FSTL5: variants seen among roughly 807,000 people sequenced by gnomAD.
FSTL5 encodes the protein follistatin like 5, also known as follistatin-related protein 5.
In FSTL5, 62 loss-of-function variants were observed where a neutral mutation model predicts 89.1. That is an observed-to-expected ratio of 0.70 (90% CI 0.57 to 0.86). The LOEUF (loss-of-function observed/expected upper bound fraction) is 0.86. Among genes scored for constraint, FSTL5 ranks in the 40% least tolerant of loss-of-function variants. The pLI, the probability that FSTL5 is intolerant of heterozygous loss-of-function variation, is 0.00. For synonymous variants in FSTL5, 383 were observed against 346.2 expected (o/e 1.11, Z -1.18); for missense variants, 1,057 against 1,001.6 (o/e 1.06, Z -0.75).
At chr4:161,438,819 A>T (rs1732663999) in intron 15 of FSTL5, among the ~76,000 whole-genome samples, 1 of 152,112 alleles carries the variant, frequency 6.6e-6, no homozygotes, top group African/African-American at 2.4e-5. Flanking sequence ...TAAGCAATAT[A>T]ATCTGATATA....
chr4:161,789,986 T>A (rs1349482712), intron 4 of FSTL5, among the ~76,000 whole-genome samples: 1 of 152,236 alleles, frequency 6.6e-6, no homozygotes, highest in African/African-American at 2.4e-5. Context: ...AGTAACCGAA[T>A]TAATTTTCAC....
Position 161,779,780 on chromosome 4 carries a change from TATATA to T in FSTL5, c.410-3711_410-3707del, listed in dbSNP as rs1560840810. On this transcript the variant is annotated intron_variant, in intron 4 of 15. Coordinates refer to ENST00000306100, the MANE Select transcript of FSTL5 (RefSeq NM_020116.5). ...AAAGTTATATATATATATATGTATA[TATATA>T]TATATATATATATATATATATATAT... Among the ~76,000 whole-genome samples, 44 of 42,766 alleles carry T rather than the reference TATATA, an allele frequency of 1.0e-3. 5 individuals carry two copies. Among genetic ancestry groups the T allele is most frequent in the Non-Finnish European group, 1.1e-3 (31 of 28,928 alleles). 28.1% of individuals were successfully genotyped at this position (42,766 alleles called of 152,430 possible). A position where few individuals can be genotyped will look rare whatever the true frequency, so the allele number is the denominator to read the frequency against.
Position 162,078,841 on chromosome 4 carries a change from T to A in FSTL5, c.126+32430A>T, listed in dbSNP as rs189419129. Among the ~76,000 whole-genome samples the A allele has an allele frequency of 1.3e-4, 20 of 151,902 alleles. No individual in the cohort carries two copies. The East Asian group carries it at 1.4e-3, about 10-fold the overall frequency. On this transcript the variant is annotated intron_variant, in intron 2 of 15. Transcript: ENST00000306100. ...TCAAGAGATTCTCTGGACTAACTCA[T>A]GGTATTTTTACATGTGTTAGTAAAT...
chr4:161,425,115 G>A (rs1732126827), intron 15 of FSTL5, among the ~76,000 whole-genome samples: 1 of 152,154 alleles, frequency 6.6e-6, no homozygotes, highest in Admixed American at 6.5e-5. Flanking sequence ...GTCTTTTGCA[G>A]AAATTGTCAG....
intron 15 of FSTL5, among the ~76,000 whole-genome samples, chr4:161,421,340 CA>C (rs57798544): frequency 0.25 from 29,045 of 115,070 alleles, 3,472 homozygotes; most frequent in East Asian, 0.52. Flanking sequence ...AAGACTGTCT[CA>C]AAAAAAAAAA....
rs34519918 is a variant in FSTL5, at chr4:161,739,852, T to TAA, written c.727+19557_727+19558dup. On this transcript the variant is annotated intron_variant, in intron 6 of 15. Coordinates refer to ENST00000306100, the MANE Select transcript of FSTL5 (RefSeq NM_020116.5). ...TGGGCATAATTGGACTCCACAGAAG[T>TAA]AAAAAAAAAAATTGTTGAGATAATA... Among the ~76,000 whole-genome samples the TAA allele has an allele frequency of 4.3e-3, 645 of 149,640 alleles. 5 individuals are homozygous for TAA. The highest frequency in any genetic ancestry group is 0.031 in the East Asian group (158 of 5,120).
intron 3 of FSTL5, among the ~76,000 whole-genome samples, chr4:161,971,842 A>T (rs1735494498): frequency 6.6e-6 from 1 of 152,054 alleles, no homozygotes; most frequent in Non-Finnish European, 1.5e-5. Flanking sequence ...TCTCCAGTTG[A>T]TTGTAGGGTA....
At chr4:162,058,230 A>G (rs527415596) in intron 2 of FSTL5, among the ~76,000 whole-genome samples, 8 of 152,102 alleles carry the variant, frequency 5.3e-5, no homozygotes, top group South Asian at 4.2e-4. Context: ...GTGATGAGGA[A>G]GCAAATTCAA....
intron 1 of FSTL5, among the ~76,000 whole-genome samples, chr4:162,147,590 G>A (rs2111502325): frequency 6.6e-6 from 1 of 152,142 alleles, no homozygotes; most frequent in South Asian, 2.1e-4. Context: ...ACATTTTTGT[G>A]TACTCTGTAA....
intron 7 of FSTL5, among the ~76,000 whole-genome samples, chr4:161,618,977 G>A (rs1192295890): frequency 6.6e-6 from 1 of 152,156 alleles, no homozygotes; most frequent in Non-Finnish European, 1.5e-5. Context: ...GCATGGTACT[G>A]GTACCAAAAC....
chr4:161,623,314 C>A (rs556288161), intron 7 of FSTL5, among the ~76,000 whole-genome samples: 122 of 152,016 alleles, frequency 8.0e-4, no homozygotes, highest in African/African-American at 2.8e-3. Context: ...TGGAGACAGG[C>A]AGGAAACAAC....
At chr4:162,053,905 C>A (rs1252366873) in intron 2 of FSTL5, among the ~76,000 whole-genome samples, 1 of 151,520 alleles carries the variant, frequency 6.6e-6, no homozygotes, top group Non-Finnish European at 1.5e-5. Context: ...CTGTTCTATG[C>A]AAATTTTTTC....
At position 161,929,660 on chromosome 4, in the gene FSTL5, CGTGT is replaced by C. The variant is rs765281533; in HGVS notation, c.161-9012_161-9009del. Among the ~76,000 whole-genome samples, 930 of 126,918 alleles carry C rather than the reference CGTGT, an allele frequency of 7.3e-3. 12 individuals carry two copies. The highest frequency in any genetic ancestry group is 0.024 in the African/African-American group (797 of 33,170). The allele number at this position is 126,918 out of a possible 152,430, so 83.3% of individuals were successfully genotyped here. On this transcript the variant is annotated intron_variant, in intron 3 of 15. Coordinates refer to ENST00000306100, the MANE Select transcript of FSTL5 (RefSeq NM_020116.5). ...CCACTCTAGCAGATGTAGGTAGGCA[CGTGT>C]GTGTGTGTGTGTGTGTGTGTGTGTG...
intron 3 of FSTL5, among the ~76,000 whole-genome samples, chr4:161,952,432 C>T (rs1235687483): frequency 2.6e-5 from 4 of 151,930 alleles, no homozygotes. Context: ...AATAGTTTAA[C>T]TCATCATATA....
intron 13 of FSTL5, among the ~76,000 whole-genome samples, chr4:161,472,223 C>A (rs541853940): frequency 6.6e-6 from 1 of 152,168 alleles, no homozygotes; most frequent in Non-Finnish European, 1.5e-5. Flanking sequence ...GTGATCTGCC[C>A]GCCTTGGCCT....
chr4:161,408,675 C>G (rs534702001), intron 15 of FSTL5, among the ~76,000 whole-genome samples: 4 of 152,196 alleles, frequency 2.6e-5, no homozygotes, highest in South Asian at 2.1e-4. Context: ...GGAAGCCAAT[C>G]AATACAGTAA....
chr4:162,065,215 A>G (rs1366846805), intron 2 of FSTL5, among the ~76,000 whole-genome samples: 1 of 151,972 alleles, frequency 6.6e-6, no homozygotes, highest in African/African-American at 2.4e-5. Flanking sequence ...TTTTTAGGGT[A>G]TCTTAAAAAT....
chr4:161,662,594 TG>T (rs1736754913), intron 6 of FSTL5, among the ~76,000 whole-genome samples: 1 of 152,138 alleles, frequency 6.6e-6, no homozygotes, highest in Non-Finnish European at 1.5e-5. Context: ...GAAACTTTAC[TG>T]AATAAAAAGC....
At chr4:161,926,768 G>A (rs536857815) in intron 3 of FSTL5, among the ~76,000 whole-genome samples, 8 of 151,722 alleles carry the variant, frequency 5.3e-5, no homozygotes, top group South Asian at 2.1e-4. Context: ...TATCTAAAGC[G>A]GTGATTTCTC....
Sources: gnomAD v4.1 joint callset for allele counts (sites outside exome capture counted in the v4.1 genomes callset) on GRCh38, gnomAD v4.1.1 for gene constraint, MANE v1.5 for transcripts, NCBI Gene and HGNC (gene_info 2026-07-23, HGNC 2026-07-21) for gene names.